Variants in DLG2 observed in about 807,000 individuals in gnomAD.
DLG2 encodes the protein discs large MAGUK scaffold protein 2.
DLG2 carries 45 observed loss-of-function variants against 132.5 expected under a neutral mutation model. The ratio of observed to expected loss-of-function variants is 0.34; its 90% CI spans 0.27 to 0.44. The LOEUF is 0.44. Ranked by LOEUF, DLG2 falls within the 20% of genes least tolerant of loss-of-function variation. DLG2 has a pLI of 1.00. For missense variants in DLG2, 1,045 were observed against 1,196.9 expected (o/e 0.87, Z 1.87); for synonymous variants, 424 against 419.6 (o/e 1.01, Z -0.13).
chr11:84,426,786 T>C lies in DLG2; in HGVS notation c.519+107784A>G, dbSNP rs1284133994. ...CTTGAGTCATTCAGCACATAATACT[T>C]CCTTTCAAAGGAGAAGTGATATGTC... is the stretch of plus-strand genomic sequence containing the variant. On this transcript the variant is annotated intron_variant, in intron 7 of 27. Coordinates refer to ENST00000376104, the MANE Select transcript of DLG2 (RefSeq NM_001142699.3). Among the ~76,000 whole-genome samples, 11 of 152,224 alleles carry C rather than the reference T, an allele frequency of 7.2e-5. No homozygotes were observed. The East Asian group carries it at 2.1e-3, about 29-fold the overall frequency.
chr11:84,282,481 A>G (rs1599015876), intron 7 of DLG2, among the ~76,000 whole-genome samples: 1 of 152,166 alleles, frequency 6.6e-6, no homozygotes, highest in Admixed American at 6.5e-5. Flanking sequence ...TGATGGTTTC[A>G]TATGTGAAAA....
At chr11:83,719,123 C>A (rs1186129479) in intron 18 of DLG2, among the ~76,000 whole-genome samples, 3 of 152,190 alleles carry the variant, frequency 2.0e-5, no homozygotes, top group South Asian at 2.1e-4. Context: ...GCCCACACAG[C>A]AGTCAGGCCT....
intron 15 of DLG2, among the ~76,000 whole-genome samples, chr11:83,916,769 G>A (rs560626332): frequency 4.6e-5 from 7 of 152,108 alleles, no homozygotes; most frequent in East Asian, 1.9e-4. Flanking sequence ...CCTTCCTTCC[G>A]GTCTTGCTCT....
At chr11:84,260,234 G>T (rs2097533585) in intron 7 of DLG2, among the ~76,000 whole-genome samples, 1 of 152,112 alleles carries the variant, frequency 6.6e-6, no homozygotes, top group Non-Finnish European at 1.5e-5. Context: ...TGAGTCATTA[G>T]CTCAAATCTC....
intron 15 of DLG2, among the ~76,000 whole-genome samples, chr11:83,928,988 T>C (rs1161437079): frequency 1.3e-5 from 2 of 152,200 alleles, no homozygotes; most frequent in African/African-American, 4.8e-5. Context: ...TATCAACAAA[T>C]AGTTTTAATG....
intron 11 of DLG2, among the ~76,000 whole-genome samples, chr11:83,996,772 A>G (rs977153983): frequency 2.0e-5 from 3 of 152,138 alleles, no homozygotes; most frequent in Admixed American, 6.6e-5. Context: ...AACCAAATCA[A>G]TTGAACTCAT....
chr11:84,453,738 G>C (rs1373658726), intron 7 of DLG2, among the ~76,000 whole-genome samples: 1 of 151,508 alleles, frequency 6.6e-6, no homozygotes, highest in Non-Finnish European at 1.5e-5. Flanking sequence ...TACCTTGTTG[G>C]GGGTTGACAC....
chr11:84,198,912 G>T (rs2096557578), intron 8 of DLG2, among the ~76,000 whole-genome samples: 1 of 152,120 alleles, frequency 6.6e-6, no homozygotes, highest in African/African-American at 2.4e-5. Context: ...TGGTGCAGGT[G>T]CAGGGAACAG....
intron 7 of DLG2, chr11:84,316,918 A>G: frequency 6.2e-7 from 1 of 1,612,738 alleles, no homozygotes; most frequent in Non-Finnish European, 8.5e-7. Context: ...TTTTCCGCAC[A>G]CTGTCCCACA....
intron 6 of DLG2, among the ~76,000 whole-genome samples, chr11:84,670,910 T>C (rs1055463798): frequency 6.6e-6 from 1 of 152,242 alleles, no homozygotes; most frequent in South Asian, 2.1e-4. Flanking sequence ...GTAGATACCT[T>C]TTTGTACTTA....
chr11:84,825,035 CTACTTAT>C (rs1368351569), intron 6 of DLG2, among the ~76,000 whole-genome samples: 2 of 151,804 alleles, frequency 1.3e-5, no homozygotes, highest in Non-Finnish European at 2.9e-5. Flanking sequence ...ATTGAAAATC[CTACTTAT>C]TACCATTAAC....
intron 6 of DLG2, among the ~76,000 whole-genome samples, chr11:84,694,882 G>C (rs778632460): frequency 3.3e-5 from 5 of 151,540 alleles, no homozygotes; most frequent in Non-Finnish European, 7.4e-5. Context: ...TGTTAAGTTA[G>C]GAATGGTTTC....
chr11:83,814,738 A>G (rs149387553), intron 17 of DLG2: 4 of 177,830 alleles, frequency 2.2e-5, no homozygotes, highest in African/African-American at 9.4e-5. Context: ...TTTCATAAGC[A>G]CTGGCAATCA....
At chr11:85,067,446 A>T (rs550320211) in intron 6 of DLG2, among the ~76,000 whole-genome samples, 122 of 151,854 alleles carry the variant, frequency 8.0e-4, no homozygotes, top group African/African-American at 2.9e-3. Flanking sequence ...TAGGGCGTCA[A>T]TTTTAGATCT....
intron 7 of DLG2, among the ~76,000 whole-genome samples, chr11:84,296,718 T>C (rs1056597651): frequency 6.6e-6 from 1 of 152,110 alleles, no homozygotes; most frequent in Non-Finnish European, 1.5e-5. Flanking sequence ...GGGATTACCA[T>C]GCCCAGCTGT....
At chr11:85,546,377 T>C (rs929064751) in intron 3 of DLG2, among the ~76,000 whole-genome samples, 1 of 152,222 alleles carries the variant, frequency 6.6e-6, no homozygotes, top group East Asian at 1.9e-4. Flanking sequence ...TGATTTCCGT[T>C]CTTTTGCATT....
At chr11:84,954,996 C>T (rs143846420) in intron 6 of DLG2, among the ~76,000 whole-genome samples, 155 of 152,202 alleles carry the variant, frequency 1.0e-3, no homozygotes, top group African/African-American at 3.5e-3. Flanking sequence ...TCACAATTAC[C>T]CTACTCTACC....
At chr11:84,093,971 A>G (rs1343920189) in intron 10 of DLG2, among the ~76,000 whole-genome samples, 1 of 148,688 alleles carries the variant, frequency 6.7e-6, no homozygotes, top group African/African-American at 2.5e-5. Flanking sequence ...TTTATTTTTT[A>G]TTTTTTATTT....
chr11:84,354,171 T>A (rs115449136), intron 7 of DLG2, among the ~76,000 whole-genome samples: 1 of 152,288 alleles, frequency 6.6e-6, no homozygotes, highest in African/African-American at 2.4e-5. Context: ...TTCTTTGGCA[T>A]CTGAGTAAAA....
Sources: allele counts gnomAD v4.1 joint callset (sites outside exome capture counted in the v4.1 genomes callset), GRCh38; gene constraint gnomAD v4.1.1; transcripts MANE v1.5; gene names NCBI Gene and HGNC (gene_info 2026-07-23, HGNC 2026-07-21).